MSRA: variants seen among roughly 807,000 people sequenced by gnomAD.
MSRA encodes the protein mitochondrial peptide methionine sulfoxide reductase.
In MSRA, 54 loss-of-function variants were observed where a neutral mutation model predicts 31.3. The ratio of observed to expected loss-of-function variants is 1.73; its 90% CI spans 1.39 to 2.17. The LOEUF (loss-of-function observed/expected upper bound fraction) is 2.17, where lower values mean the gene tolerates loss of function less well. Ranked by LOEUF, MSRA falls within the 30% of genes most tolerant of loss-of-function variation. The probability of loss-of-function intolerance (pLI) is 0.00; values close to 1 mark genes in which losing one functional copy is unlikely to be tolerated. For missense variants in MSRA, 507 were observed against 300.9 expected (o/e 1.69, Z -5.07); for synonymous variants, 169 against 116.5 (o/e 1.45, Z -2.90).
At chr8:10,103,183 A>C (rs1799649809) in intron 1 of MSRA, among the ~76,000 whole-genome samples, 1 of 152,196 alleles carries the variant, frequency 6.6e-6, no homozygotes, top group African/African-American at 2.4e-5. Flanking sequence ...TTAACATGCG[A>C]GGTTTTATCA....
chr8:10,157,739 T>C (rs1232343351), intron 1 of MSRA, among the ~76,000 whole-genome samples: 1 of 152,112 alleles, frequency 6.6e-6, no homozygotes, highest in Non-Finnish European at 1.5e-5. Flanking sequence ...CACATTGCAA[T>C]TGCTGATAGG....
At chr8:10,199,182 G>T (rs988361457) in intron 1 of MSRA, among the ~76,000 whole-genome samples, 1 of 152,082 alleles carries the variant, frequency 6.6e-6, no homozygotes, top group Non-Finnish European at 1.5e-5. Flanking sequence ...TTCTAGGGCC[G>T]CTGGGTTCCT....
intron 3 of MSRA, among the ~76,000 whole-genome samples, chr8:10,294,877 G>A (rs1800447830): frequency 1.3e-5 from 2 of 152,116 alleles, no homozygotes. Context: ...GAGGGGTGGG[G>A]GCGGGGGCTT....
At chr8:10,412,419 A>G (rs1808212727) in intron 5 of MSRA, among the ~76,000 whole-genome samples, 1 of 152,264 alleles carries the variant, frequency 6.6e-6, no homozygotes, top group African/African-American at 2.4e-5. Context: ...TTTCAGAGCT[A>G]CATGGGAATG....
At chr8:10,356,429 A>C (rs774139268) in intron 5 of MSRA, among the ~76,000 whole-genome samples, 4 of 152,178 alleles carry the variant, frequency 2.6e-5, no homozygotes, top group Admixed American at 6.5e-5. Context: ...CACCCCAGTT[A>C]CAGCTTTACA....
chr8:10,334,494 T>G (rs1207633997), intron 5 of MSRA, among the ~76,000 whole-genome samples: 1 of 152,050 alleles, frequency 6.6e-6, no homozygotes, highest in African/African-American at 2.4e-5. Flanking sequence ...AAGCAGGGTT[T>G]GCCGTTTCCT....
rs960054384 is a variant in MSRA, at chr8:10,249,007, G to C, written c.331+3784G>C. 9.9e-5 allele frequency among the ~76,000 whole-genome samples: 15 copies of C among 152,166 alleles called. No homozygotes were observed. The South Asian group carries it at 1.2e-3, about 13-fold the overall frequency. ...AGTGGAATGCCCTGACTGTGTAAAA[G>C]GAGCATAGGTCCTCAGTAGGAGGTT... On this transcript the variant is annotated intron_variant, in intron 3 of 5. Coordinates refer to ENST00000317173, the MANE Select transcript of MSRA (RefSeq NM_012331.5).
At chr8:10,398,793 T>C (rs1216260911) in intron 5 of MSRA, among the ~76,000 whole-genome samples, 1 of 152,280 alleles carries the variant, frequency 6.6e-6, no homozygotes, top group East Asian at 1.9e-4. Context: ...CATTTCTTTT[T>C]TAACCTTATT....
chr8:10,178,798 T>G (rs1179830310), intron 1 of MSRA, among the ~76,000 whole-genome samples: 1 of 152,194 alleles, frequency 6.6e-6, no homozygotes, highest in Non-Finnish European at 1.5e-5. Context: ...TTTGGAATGT[T>G]TTACTAGATA....
intron 2 of MSRA, among the ~76,000 whole-genome samples, chr8:10,235,654 C>T (rs555316400): frequency 1.4e-4 from 21 of 152,238 alleles, no homozygotes; most frequent in African/African-American, 4.6e-4. Context: ...GAATACATGA[C>T]AATGAAACAA....
chr8:10,348,113 G>T (rs1803898859), intron 5 of MSRA, among the ~76,000 whole-genome samples: 1 of 152,182 alleles, frequency 6.6e-6, no homozygotes, highest in Non-Finnish European at 1.5e-5. Context: ...ATTTGGGATT[G>T]ATGAATTCAA....
chr8:10,225,932 C>T (rs1014922839), intron 2 of MSRA, among the ~76,000 whole-genome samples: 6 of 152,138 alleles, frequency 3.9e-5, no homozygotes, highest in Admixed American at 2.0e-4. Context: ...GCCAGAAAGA[C>T]GTAAGGTGTA....
At chr8:10,415,093 T>G (rs1808376936) in intron 5 of MSRA, among the ~76,000 whole-genome samples, 1 of 152,196 alleles carries the variant, frequency 6.6e-6, no homozygotes, top group Admixed American at 6.5e-5. Context: ...GAGGGTGCAC[T>G]GTCTGAGCCA....
At chr8:10,074,258 A>G (rs1797886132) in intron 1 of MSRA, among the ~76,000 whole-genome samples, 2 of 150,528 alleles carry the variant, frequency 1.3e-5, no homozygotes, top group Non-Finnish European at 3.0e-5. Flanking sequence ...AATTTTTTGT[A>G]TTTTTAGTAG....
At chr8:10,385,390 C>T (rs747101684) in intron 5 of MSRA, among the ~76,000 whole-genome samples, 7 of 152,150 alleles carry the variant, frequency 4.6e-5, no homozygotes, top group Non-Finnish European at 8.8e-5. Flanking sequence ...GGAGAGAGTT[C>T]AAAGGAATCT....
chr8:10,348,135 A>C (rs1803899848), intron 5 of MSRA, among the ~76,000 whole-genome samples: 1 of 152,166 alleles, frequency 6.6e-6, no homozygotes, highest in African/African-American at 2.4e-5. Context: ...CGTGCAGTTA[A>C]GAGTTTGCTT....
chr8:10,189,927 C>G (rs1323823795), intron 1 of MSRA, among the ~76,000 whole-genome samples: 4 of 152,112 alleles, frequency 2.6e-5, no homozygotes, highest in Non-Finnish European at 4.4e-5. Flanking sequence ...TCTAGAGTTT[C>G]TCAGTGAAAA....
rs142977821 is a variant in MSRA at position 10,341,070 on chromosome 8, C to T, written c.543+21081C>T. 5.1e-3 allele frequency among the ~76,000 whole-genome samples: 777 copies of T among 152,314 alleles called. 3 individuals are homozygous for T. The highest frequency in any genetic ancestry group is 0.01 in the Middle Eastern group (3 of 294). On this transcript the variant is annotated intron_variant, in intron 5 of 5. Transcript: ENST00000317173. ...TGTAGGGCTCTGTGGATTCCAGACT[C>T]CCACTCAGACCTACTGAATTAGGGT...
intron 1 of MSRA, among the ~76,000 whole-genome samples, chr8:10,143,685 A>G (rs1416227006): frequency 6.6e-6 from 1 of 152,050 alleles, no homozygotes; most frequent in African/African-American, 2.4e-5. Context: ...TCTGATATCT[A>G]CCCTCATGAC....
Sources: allele counts gnomAD v4.1 joint callset (sites outside exome capture counted in the v4.1 genomes callset), GRCh38; gene constraint gnomAD v4.1.1; transcripts MANE v1.5; gene names NCBI Gene and HGNC (gene_info 2026-07-23, HGNC 2026-07-21).